Variants in SUPT3H observed in about 807,000 individuals in gnomAD.
The protein encoded by SUPT3H is SPT3 homolog, SAGA and STAGA complex component.
Under a neutral mutation model 44.3 loss-of-function variants are expected in SUPT3H, and 44 were observed. That is an observed-to-expected ratio of 0.99 (90% CI 0.78 to 1.28). SUPT3H has a LOEUF of 1.28. SUPT3H is among the 50% of genes most tolerant of loss of function. The pLI is 0.00. For synonymous variants in SUPT3H, 124 were observed against 125.6 expected (o/e 0.99, Z 0.09); for missense variants, 380 against 387.1 (o/e 0.98, Z 0.15).
chr6:44,910,032 C>T (rs1766762480), intron 10 of SUPT3H, among the ~76,000 whole-genome samples: 1 of 152,138 alleles, frequency 6.6e-6, no homozygotes, highest in Non-Finnish European at 1.5e-5. Context: ...AAGAAAATTG[C>T]TACTGGGATT....
At chr6:45,376,088 T>C (rs1016101965) in intron 1 of SUPT3H, among the ~76,000 whole-genome samples, 7 of 152,208 alleles carry the variant, frequency 4.6e-5, no homozygotes, top group African/African-American at 1.4e-4. Flanking sequence ...AATCACAAAA[T>C]AGTACAATAA....
At chr6:45,222,881 T>C (rs1766295881) in intron 2 of SUPT3H, among the ~76,000 whole-genome samples, 1 of 152,108 alleles carries the variant, frequency 6.6e-6, no homozygotes, top group Admixed American at 6.5e-5. Context: ...TAACTACTAA[T>C]GAATGCAACA....
chr6:45,221,848 T>C (rs946031146), intron 2 of SUPT3H, among the ~76,000 whole-genome samples: 1 of 152,022 alleles, frequency 6.6e-6, no homozygotes, highest in Non-Finnish European at 1.5e-5. Context: ...GAAGAACAAA[T>C]GAAAGGACTC....
intron 3 of SUPT3H, among the ~76,000 whole-genome samples, chr6:45,037,854 AT>A (rs1787921331): frequency 6.6e-6 from 1 of 151,690 alleles, no homozygotes; most frequent in Non-Finnish European, 1.5e-5. Context: ...ACAAAATCAT[AT>A]GTGATTTTTA....
chr6:44,906,574 C>T (rs1766119058), intron 10 of SUPT3H, among the ~76,000 whole-genome samples: 1 of 152,068 alleles, frequency 6.6e-6, no homozygotes, highest in Admixed American at 6.6e-5. Flanking sequence ...CCAGCCTGGC[C>T]AACATTGTGA....
At chr6:45,303,990 A>G (rs1782591454) in intron 2 of SUPT3H, among the ~76,000 whole-genome samples, 1 of 151,792 alleles carries the variant, frequency 6.6e-6, no homozygotes, top group South Asian at 2.1e-4. Context: ...AAAAAAAAAA[A>G]CCAAAGCCAA....
intron 2 of SUPT3H, among the ~76,000 whole-genome samples, chr6:45,202,563 T>C (rs1034390102): frequency 1.3e-5 from 2 of 152,028 alleles, no homozygotes; most frequent in African/African-American, 4.8e-5. Context: ...TAGTCAAATA[T>C]CCCATTTAGA....
At position 45,307,413 on chromosome 6, in the gene SUPT3H, G is replaced by A. The variant is rs1223469716; in HGVS notation, c.101+57788C>T. Among the ~76,000 whole-genome samples the A allele has an allele frequency of 1.6e-4, 24 of 152,212 alleles. 1 individual carries two copies. Among genetic ancestry groups the A allele is most frequent in the Admixed American group, 1.5e-3 (23 of 15,284 alleles). ...CTCATACGGCTGGGTACCCCTCTGAGACGAAACCTCCAGAGAAACAATCAG... is the reference window on the plus strand; with the variant it reads ...CTCATACGGCTGGGTACCCCTCTGAAACGAAACCTCCAGAGAAACAATCAG... On this transcript the variant is annotated intron_variant, in intron 2 of 10. Coordinates refer to ENST00000371459, the MANE Select transcript of SUPT3H (RefSeq NM_003599.4).
chr6:45,272,488 T>TA (rs1776347422), intron 2 of SUPT3H, among the ~76,000 whole-genome samples: 1 of 152,210 alleles, frequency 6.6e-6, no homozygotes. Context: ...GTGGAACTGT[T>TA]AGTCCAATTA....
At chr6:45,152,611 C>T (rs939547161) in intron 2 of SUPT3H, among the ~76,000 whole-genome samples, 12 of 152,128 alleles carry the variant, frequency 7.9e-5, no homozygotes, top group African/African-American at 2.9e-4. Flanking sequence ...CGTGCCTCAG[C>T]CTCCCGAGTA....
At chr6:45,015,634 C>G (rs1009975243) in intron 4 of SUPT3H, among the ~76,000 whole-genome samples, 1 of 152,058 alleles carries the variant, frequency 6.6e-6, no homozygotes, top group Non-Finnish European at 1.5e-5. Context: ...TTAAAAAATA[C>G]TTCACTCTTA....
chr6:44,846,089 C>G (rs532915582), intron 10 of SUPT3H, among the ~76,000 whole-genome samples: 1 of 152,322 alleles, frequency 6.6e-6, no homozygotes, highest in East Asian at 1.9e-4. Context: ...TCTTTATGCT[C>G]CCCTAGAGGT....
chr6:44,820,857 T>G (rs1767256318), intron 11 of SUPT3H, among the ~76,000 whole-genome samples: 1 of 152,056 alleles, frequency 6.6e-6, no homozygotes, highest in Non-Finnish European at 1.5e-5. Flanking sequence ...AGAAAGTGAT[T>G]TATGTTTTTT....
chr6:45,015,688 C>T (rs551822744), intron 4 of SUPT3H, among the ~76,000 whole-genome samples: 22 of 151,956 alleles, frequency 1.4e-4, no homozygotes, highest in Middle Eastern at 3.4e-3. Flanking sequence ...CACAATTGTA[C>T]AAAAACGTTT....
chr6:45,179,678 A>G (rs553398500), intron 2 of SUPT3H, among the ~76,000 whole-genome samples: 81 of 152,330 alleles, frequency 5.3e-4, no homozygotes, highest in African/African-American at 1.8e-3. Context: ...AAATTCAACA[A>G]CGCTTCATGC....
chr6:45,141,473 G>T (rs973159703), intron 2 of SUPT3H, among the ~76,000 whole-genome samples: 2 of 149,532 alleles, frequency 1.3e-5, no homozygotes, highest in Admixed American at 6.7e-5. Flanking sequence ...GATGAAAAAT[G>T]ATCCAGAGAA....
At chr6:44,849,354 G>C (rs1439743992) in intron 10 of SUPT3H, among the ~76,000 whole-genome samples, 1 of 147,488 alleles carries the variant, frequency 6.8e-6, no homozygotes, top group Non-Finnish European at 1.5e-5. Flanking sequence ...AGCCTCCCAA[G>C]TAGCTGGGAC....
At chr6:45,186,086 G>A (rs4523086) in intron 2 of SUPT3H, among the ~76,000 whole-genome samples, 1 of 152,182 alleles carries the variant, frequency 6.6e-6, no homozygotes, top group African/African-American at 2.4e-5. Context: ...AGTGGGCTGA[G>A]GAGGTGAACA....
chr6:44,900,883 G>C (rs1166990914), intron 10 of SUPT3H, among the ~76,000 whole-genome samples: 7 of 152,202 alleles, frequency 4.6e-5, no homozygotes, highest in Admixed American at 4.6e-4. Context: ...CTGTTCTGCA[G>C]CCTCCGCTTT....
Sources: allele counts gnomAD v4.1 joint callset (sites outside exome capture counted in the v4.1 genomes callset), GRCh38; gene constraint gnomAD v4.1.1; transcripts MANE v1.5; gene names NCBI Gene and HGNC (gene_info 2026-07-23, HGNC 2026-07-21).